Variants in LYST observed in about 807,000 individuals in gnomAD.
LYST encodes the protein lysosomal-trafficking regulator.
A neutral mutation model predicts 413.6 loss-of-function variants in LYST; 192 were observed. The ratio of observed to expected loss-of-function variants is 0.46; its 90% CI spans 0.41 to 0.52. The LOEUF (loss-of-function observed/expected upper bound fraction) is 0.52, where lower values mean the gene tolerates loss of function less well. LYST is among the 20% of genes least tolerant of loss of function. The pLI, the probability that LYST is intolerant of heterozygous loss-of-function variation, is 0.00. For synonymous variants in LYST, 1,525 were observed against 1,567.3 expected (o/e 0.97, Z 0.64); for missense variants, 3,815 against 4,499.9 (o/e 0.85, Z 4.35).
rs760187462 is a variant in LYST, at chr1:235,662,943, C to T, written c.11403G>A (p.Gly3801=). Residue 3801 remains glycine, a synonymous_variant, in exon 53 of 53, where the codon GGG becomes GGA. Coordinates refer to ENST00000389793, the MANE Select transcript of LYST (RefSeq NM_000081.4). ...AGAACGTGAAGTTCATTCGCATTCACCCGGCTGCATAGCTGCTAAGGAAGG... is the reference window on the plus strand; with the variant it reads ...AGAACGTGAAGTTCATTCGCATTCATCCGGCTGCATAGCTGCTAAGGAAGG... ...FYSFLSSYAA[G] 1 of 1,531,874 alleles carries T rather than the reference C, an allele frequency of 6.5e-7. No homozygotes were observed. 94.9% of individuals were successfully genotyped at this position (1,531,874 alleles called of 1,614,324 possible). A position where few individuals can be genotyped will look rare whatever the true frequency, so the allele number is the denominator to read the frequency against.
Position 235,693,344 on chromosome 1 carries a change from G to A in LYST, c.10701+6C>T. ...ATAAATAAATAAAATAAAATAAAGT[G>A]TTTACCTGGTACTGTTGTGAACTTT... On this transcript the variant is annotated splice_donor_region_variant and intron_variant, in intron 47 of 52. Coordinates refer to ENST00000389793, the MANE Select transcript of LYST (RefSeq NM_000081.4). The A allele has an allele frequency of 6.3e-6, 10 of 1,588,964 alleles. No homozygotes were observed. The highest frequency in any genetic ancestry group is 8.6e-6 in the Non-Finnish European group (10 of 1,157,632).
At position 235,677,604 on chromosome 1, in the gene LYST, T is replaced by A. The variant is rs1308859528; in HGVS notation, c.10816A>T (p.Met3606Leu). The A allele has an allele frequency of 6.2e-7, 1 of 1,612,924 alleles. No homozygotes were observed. Among genetic ancestry groups the A allele is most frequent in the Admixed American group, 1.7e-5 (1 of 60,010 alleles). ...CCATAGAGATGTATTTGAGTCTCCA[T>A]TTCTATTTCTGATGGCTGAAATTTT... ...FTSSTPSEIE[M>L]ETQIHLYGHT... The change falls in exon 49 of 53, where the codon ATG becomes TTG. Residue 3606 changes from methionine to leucine, a missense_variant. By Grantham distance (15) the Met-to-Leu change is conservative (BLOSUM62 2). Transcript: ENST00000389793.
intron 39 of LYST, 65 bp from the exon 40 acceptor site, chr1:235,720,970 A>G: frequency 6.6e-7 from 1 of 1,507,698 alleles, no homozygotes; most frequent in Non-Finnish European, 9.2e-7. Flanking sequence ...CTTTTCTCCA[A>G]AGAACCCATG....
chr1:235,856,939 GATT>G (rs1437235080), intron 1 of LYST, among the ~76,000 whole-genome samples: 98 of 128,330 alleles, frequency 7.6e-4, no homozygotes, highest in African/African-American at 3.1e-3. Flanking sequence ...AGGATATACT[GATT>G]TTTTTTTTTT....
At position 235,720,866 on chromosome 1, in the gene LYST, G is replaced by A; in HGVS notation, c.9355C>T (p.Leu3119Phe). 3 of 1,613,464 alleles carry A rather than the reference G, an allele frequency of 1.9e-6. No homozygotes were observed. The highest frequency in any genetic ancestry group is 2.5e-6 in the Non-Finnish European group (3 of 1,179,442). The change falls in exon 40 of 53, where the codon CTC becomes TTC. Residue 3119 changes from leucine (L) to phenylalanine (F), a missense_variant. Coordinates refer to ENST00000389793, the MANE Select transcript of LYST (RefSeq NM_000081.4). ...TTACCATATTCCAGAAGATTAGGGA[G>A]GTTATTTGTGAGTATATTGTGGTAT... Reference protein sequence around the residue: ...DVYHNILTNNLPNLLEYGNIT... With the variant: ...DVYHNILTNNFPNLLEYGNIT...
At chr1:235,795,182 A>G (rs1369327223) in intron 10 of LYST, among the ~76,000 whole-genome samples, 1 of 152,184 alleles carries the variant, frequency 6.6e-6, no homozygotes, top group Non-Finnish European at 1.5e-5. Flanking sequence ...ACAGGGATTA[A>G]CGAAAGGTCT....
At position 235,828,760 on chromosome 1, in the gene LYST, T is replaced by C. The variant is rs957385970; in HGVS notation, c.192+1466A>G. On this transcript the variant is annotated intron_variant, in intron 3 of 52. Coordinates refer to ENST00000389793, the MANE Select transcript of LYST (RefSeq NM_000081.4). ...GAAGAACAGAGCATGGTGTACATAT[T>C]AAATAATCAAAATTTCAAAATAAAT... 31 of 912,304 alleles carry C rather than the reference T, an allele frequency of 3.4e-5. No homozygotes were observed. In the Admixed American group the frequency reaches 4.9e-4, roughly 15 times the overall value. The allele number at this position is 912,304 out of a possible 1,614,324, so 56.5% of individuals were successfully genotyped here. A position where few individuals can be genotyped will look rare whatever the true frequency, so the allele number is the denominator to read the frequency against.
At position 235,716,721 on chromosome 1, in the gene LYST, G is replaced by A. The variant is rs1662868474; in HGVS notation, c.9618C>T (p.Asp3206=). 1 of 1,590,128 alleles carries A rather than the reference G, an allele frequency of 6.3e-7. No homozygotes were observed. Among genetic ancestry groups the A allele is most frequent in the Non-Finnish European group, 8.6e-7 (1 of 1,159,026 alleles). Residue 3206 remains aspartate, a synonymous_variant, in exon 41 of 53, where the codon GAC becomes GAT. Coordinates refer to ENST00000389793, the MANE Select transcript of LYST (RefSeq NM_000081.4). Reference sequence around the variant, plus strand: ...TAAAAACAAAAGCTACCTTGTATGTGTCCACATAACGATCTTCTTTTTCTT... The same window carrying A: ...TAAAAACAAAAGCTACCTTGTATGTATCCACATAACGATCTTCTTTTTCTT... The part of the protein sequence containing the change: ...QYKEKEDRYV[D]TYKYLEEEYR...
chr1:235,766,260 T>C lies in LYST; in HGVS notation c.5940A>G (p.Gln1980=), dbSNP rs761062972. ...AAACCTCTCGGGGCATGGGTGTGAG[T>C]TGCCCCTCTTTGTATTCCTGAAAAA... ...CQVLQEYKEG[Q]LTPMPREVCR... is the part of the protein sequence containing the mutation. Residue 1980 remains glutamine, a synonymous_variant, in exon 21 of 53, where the codon CAA becomes CAG. Transcript: ENST00000389793. The C allele has an allele frequency of 2.5e-6, 4 of 1,607,712 alleles. No homozygotes were observed. Among genetic ancestry groups the C allele is most frequent in the Admixed American group, 1.7e-5 (1 of 58,784 alleles).
At chr1:235,721,726 G>A (rs1663386875) in intron 39 of LYST, among the ~76,000 whole-genome samples, 1 of 152,124 alleles carries the variant, frequency 6.6e-6, no homozygotes, top group African/African-American at 2.4e-5. Context: ...TTTGCCAATT[G>A]TTAGCGCTAA....
At chr1:235,712,355 AAT>A (rs1269967805) in intron 42 of LYST, 158 bp from the exon 43 acceptor site, 2 of 596,494 alleles carry the variant, frequency 3.4e-6, no homozygotes, top group Admixed American at 3.4e-5. Flanking sequence ...CTTGAAAATA[AAT>A]ATTTCTATAA....
Position 235,737,936 on chromosome 1 carries a change from G to A in LYST, c.8359-3277C>T, listed in dbSNP as rs535249900. ...CGACGAGTCTGGATCTCACTGCCGC[G>A]TGCCCCAACACCCGCCGGACGTGCA... On this transcript the variant is annotated intron_variant, in intron 31 of 52. Coordinates refer to ENST00000389793, the MANE Select transcript of LYST (RefSeq NM_000081.4). The A allele has an allele frequency of 3.8e-5, 47 of 1,243,252 alleles. No individual in the cohort carries two copies. The African/African-American group carries it at 3.9e-4, about 10-fold the overall frequency. The allele number at this position is 1,243,252 out of a possible 1,614,324, so 77.0% of individuals were successfully genotyped here. A position where few individuals can be genotyped will look rare whatever the true frequency, so the allele number is the denominator to read the frequency against.
At chr1:235,781,474 G>A (rs1482636903) in intron 15 of LYST, among the ~76,000 whole-genome samples, 2 of 151,626 alleles carry the variant, frequency 1.3e-5, no homozygotes, top group African/African-American at 4.8e-5. Context: ...TTATGTGTGA[G>A]GTTTAAGGAC....
intron 2 of LYST, among the ~76,000 whole-genome samples, chr1:235,832,496 C>T (rs1676102073): frequency 6.6e-6 from 1 of 151,912 alleles, no homozygotes. Context: ...TAAAAATGTA[C>T]CTAAAATATA....
At chr1:235,855,131 C>T (rs1679017289) in intron 1 of LYST, among the ~76,000 whole-genome samples, 1 of 152,130 alleles carries the variant, frequency 6.6e-6, no homozygotes, top group African/African-American at 2.4e-5. Flanking sequence ...CCATATGCCT[C>T]TATCTTATCA....
At chr1:235,740,773 A>G (rs1289346777) in intron 31 of LYST, among the ~76,000 whole-genome samples, 1 of 152,216 alleles carries the variant, frequency 6.6e-6, no homozygotes, top group Non-Finnish European at 1.5e-5. Flanking sequence ...ATTCTTAAAC[A>G]AGCTTTTTTA....
At chr1:235,805,695 T>C (rs760661502) in intron 6 of LYST, 48 bp downstream of exon 6, 22 of 1,056,720 alleles carry the variant, frequency 2.1e-5, no homozygotes, top group Non-Finnish European at 2.9e-5. Flanking sequence ...TGTGTGTATA[T>C]ATATGTATAT....
At chr1:235,774,332 T>C (rs544136321) in intron 18 of LYST, among the ~76,000 whole-genome samples, 2 of 152,306 alleles carry the variant, frequency 1.3e-5, no homozygotes, top group East Asian at 3.9e-4. Context: ...GTATGGATCT[T>C]GCAGTTTAAA....
upstream of LYST, among the ~76,000 whole-genome samples, chr1:235,871,297 C>T (rs945658038): frequency 6.6e-6 from 1 of 152,150 alleles, no homozygotes; most frequent in Admixed American, 6.5e-5. Flanking sequence ...TTGTCAGAGG[C>T]GTCCTAACTA....
Sources: gnomAD v4.1 joint callset for allele counts (sites outside exome capture counted in the v4.1 genomes callset) on GRCh38, gnomAD v4.1.1 for gene constraint, MANE v1.5 for transcripts, NCBI Gene and HGNC (gene_info 2026-07-23, HGNC 2026-07-21) for gene names.